The following NARS2 variants were observed in gnomAD, a reference collection of about 807,000 sequenced individuals.
NARS2 encodes the protein asparaginyl-tRNA synthetase.
Under a neutral mutation model 62.9 loss-of-function variants are expected in NARS2, and 60 were observed. That is an observed-to-expected ratio of 0.95 (90% CI 0.77 to 1.18). The LOEUF (loss-of-function observed/expected upper bound fraction) is 1.18, where lower values mean the gene tolerates loss of function less well. Among genes scored for constraint, NARS2 ranks in the 50% most tolerant of loss-of-function variants. The pLI, the probability that NARS2 is intolerant of heterozygous loss-of-function variation, is 0.00. For missense variants in NARS2, 619 were observed against 576.4 expected (o/e 1.07, Z -0.76); for synonymous variants, 196 against 200.0 (o/e 0.98, Z 0.17).
chr11:78,501,378 G>A (rs1860276970), intron 6 of NARS2, among the ~76,000 whole-genome samples: 1 of 152,210 alleles, frequency 6.6e-6, no homozygotes, highest in Non-Finnish European at 1.5e-5. Flanking sequence ...GGCAGTTACT[G>A]TCTTAGTATT....
intron 6 of NARS2, among the ~76,000 whole-genome samples, chr11:78,526,310 C>T (rs1038957024): frequency 1.3e-5 from 2 of 152,042 alleles, no homozygotes; most frequent in Non-Finnish European, 2.9e-5. Flanking sequence ...GAACCATAAA[C>T]CCACTAAAGC....
At chr11:78,466,691 C>A (rs1489813909) in intron 10 of NARS2, among the ~76,000 whole-genome samples, 1 of 152,130 alleles carries the variant, frequency 6.6e-6, no homozygotes, top group African/African-American at 2.4e-5. Flanking sequence ...CTACGTTGGC[C>A]AGGCTGGTCT....
At chr11:78,492,776 A>C (rs1346252716) in intron 7 of NARS2, among the ~76,000 whole-genome samples, 1 of 152,202 alleles carries the variant, frequency 6.6e-6, no homozygotes, top group East Asian at 1.9e-4. Flanking sequence ...ACATAACCTT[A>C]GGAGTAAGCA....
chr11:78,468,874 T>C (rs894459883), intron 10 of NARS2, among the ~76,000 whole-genome samples: 1 of 151,182 alleles, frequency 6.6e-6, no homozygotes, highest in African/African-American at 2.4e-5. Flanking sequence ...TCAAGCAATC[T>C]GCCTGCCTTG....
At chr11:78,543,362 A>G (rs2135467486) in intron 5 of NARS2, among the ~76,000 whole-genome samples, 1 of 152,338 alleles carries the variant, frequency 6.6e-6, no homozygotes, top group South Asian at 2.1e-4. Flanking sequence ...AATTTCCAAC[A>G]AAAACCAATT....
At chr11:78,468,164 T>C (rs927524573) in intron 10 of NARS2, among the ~76,000 whole-genome samples, 1 of 151,232 alleles carries the variant, frequency 6.6e-6, no homozygotes, top group East Asian at 1.9e-4. Context: ...TCAGGCATCA[T>C]AACGAGACCT....
At chr11:78,507,682 G>A (rs1245983283) in intron 6 of NARS2, among the ~76,000 whole-genome samples, 4 of 151,954 alleles carry the variant, frequency 2.6e-5, no homozygotes, top group Non-Finnish European at 5.9e-5. Flanking sequence ...ACCATGCCTG[G>A]CTAATTTTTT....
intron 11 of NARS2, among the ~76,000 whole-genome samples, chr11:78,455,723 G>A (rs1178156921): frequency 1.3e-5 from 2 of 151,958 alleles, no homozygotes; most frequent in Non-Finnish European, 2.9e-5. Flanking sequence ...AGAAAGATCA[G>A]GATTCTAATG....
chr11:78,571,543 A>G, intron 1 of NARS2, 99 bp from the exon 2 acceptor site: 1 of 747,430 alleles, frequency 1.3e-6, no homozygotes, highest in Non-Finnish European at 2.2e-6. Flanking sequence ...TGTACTCACA[A>G]TCCTGCCTCA....
chr11:78,502,991 CAAAAAAAAAA>C (rs550751384), intron 6 of NARS2, among the ~76,000 whole-genome samples: 2 of 82,958 alleles, frequency 2.4e-5, no homozygotes, highest in African/African-American at 1.3e-4. Context: ...GAGACTGTCT[CAAAAAAAAAA>C]AAAAAAAAAG....
intron 6 of NARS2, among the ~76,000 whole-genome samples, chr11:78,495,308 C>T (rs1860012343): frequency 6.6e-6 from 1 of 152,110 alleles, no homozygotes; most frequent in African/African-American, 2.4e-5. Context: ...CTCTTCCCTA[C>T]CCTGTATTGC....
chr11:78,556,827 C>A (rs1228963908), intron 5 of NARS2, among the ~76,000 whole-genome samples: 1 of 152,180 alleles, frequency 6.6e-6, no homozygotes, highest in African/African-American at 2.4e-5. Context: ...GGGAACTCAG[C>A]CAGGGCCTTA....
At chr11:78,573,984 G>C (rs1267581180) in intron 1 of NARS2, among the ~76,000 whole-genome samples, 1 of 152,206 alleles carries the variant, frequency 6.6e-6, no homozygotes, top group Non-Finnish European at 1.5e-5. Context: ...TACAAAGGCA[G>C]GTAAGACACG....
chr11:78,494,379 T>C (rs1231628006), intron 6 of NARS2, among the ~76,000 whole-genome samples: 1 of 152,036 alleles, frequency 6.6e-6, no homozygotes, highest in African/African-American at 2.4e-5. Context: ...TGAGCACACC[T>C]AATCTGTCAT....
chr11:78,441,068 A>G, intron 13 of NARS2, 23 bp downstream of exon 13: 1 of 1,609,874 alleles, frequency 6.2e-7, no homozygotes, highest in Non-Finnish European at 8.5e-7. Flanking sequence ...TAGAGTAAGA[A>G]TTATTAGGGG....
intron 6 of NARS2, among the ~76,000 whole-genome samples, chr11:78,509,919 T>C (rs148327640): frequency 4.6e-5 from 7 of 151,886 alleles, no homozygotes; most frequent in African/African-American, 9.7e-5. Context: ...TCAAGTTAGA[T>C]TGTTATAATT....
chr11:78,562,082 C>T (rs752478827), intron 4 of NARS2, among the ~76,000 whole-genome samples: 1 of 151,858 alleles, frequency 6.6e-6, no homozygotes, highest in African/African-American at 2.4e-5. Flanking sequence ...ACAGCAGTCA[C>T]AGGAACTCAA....
At chr11:78,543,619 G>C (rs147018563) in intron 5 of NARS2, among the ~76,000 whole-genome samples, 1 of 152,276 alleles carries the variant, frequency 6.6e-6, no homozygotes, top group East Asian at 1.9e-4. Flanking sequence ...AAGTCTAGCA[G>C]AGGTGAACTA....
At chr11:78,498,825 TC>T (rs1000436521) in intron 6 of NARS2, among the ~76,000 whole-genome samples, 1 of 151,412 alleles carries the variant, frequency 6.6e-6, no homozygotes, top group Non-Finnish European at 1.5e-5. Context: ...ATTGAAAATT[TC>T]ATGAGCGACT....
Sources: allele counts gnomAD v4.1 joint callset (sites outside exome capture counted in the v4.1 genomes callset), GRCh38; gene constraint gnomAD v4.1.1; transcripts MANE v1.5; gene names NCBI Gene and HGNC (gene_info 2026-07-23, HGNC 2026-07-21).